KAZN: variants seen among roughly 807,000 people sequenced by gnomAD.
KAZN encodes the protein kazrin, periplakin interacting protein, also known as kazrin.
In KAZN, 40 loss-of-function variants were observed where a neutral mutation model predicts 87.4. That is an observed-to-expected ratio of 0.46 (90% CI 0.36 to 0.60). The LOEUF (loss-of-function observed/expected upper bound fraction) is 0.60. KAZN is among the 20% of genes least tolerant of loss of function. KAZN has a pLI of 0.00. For missense variants in KAZN, 898 were observed against 1,073.9 expected (o/e 0.84, Z 2.29); for synonymous variants, 466 against 458.3 (o/e 1.02, Z -0.22).
At chr1:14,660,771 G>T (rs1428309912) in intron 1 of KAZN, among the ~76,000 whole-genome samples, 1 of 152,118 alleles carries the variant, frequency 6.6e-6, no homozygotes, top group Non-Finnish European at 1.5e-5. Flanking sequence ...TAACCAGGCG[G>T]CTGTGATTGC....
chr1:14,317,680 T>C (rs1384843692), intron 2 of KAZN, among the ~76,000 whole-genome samples: 1 of 151,974 alleles, frequency 6.6e-6, no homozygotes, highest in Non-Finnish European at 1.5e-5. Context: ...TATTGACCTA[T>C]TAGCTATACA....
intron 2 of KAZN, among the ~76,000 whole-genome samples, chr1:14,995,870 T>A (rs1385688593): frequency 6.6e-6 from 1 of 152,194 alleles, no homozygotes; most frequent in Non-Finnish European, 1.5e-5. Flanking sequence ...TTCTTGAGTC[T>A]GCTTGGGGCT....
chr1:14,251,661 T>TTTTTTTTTTTTTTTTTC (rs1650051304), intron 2 of KAZN, among the ~76,000 whole-genome samples: 1 of 145,554 alleles, frequency 6.9e-6, no homozygotes, highest in Admixed American at 6.8e-5. Flanking sequence ...TTTTTTTTTT[T>TTTTTTTTTTTTTTTTTC]TTTTTTTGAC....
chr1:14,317,952 A>T (rs1655775469), intron 2 of KAZN, among the ~76,000 whole-genome samples: 1 of 152,024 alleles, frequency 6.6e-6, no homozygotes, highest in South Asian at 2.1e-4. Flanking sequence ...GCCTAACTTT[A>T]AATTATGCCT....
chr1:13,977,703 A>C (rs1638430872), intron 1 of KAZN, among the ~76,000 whole-genome samples: 1 of 152,224 alleles, frequency 6.6e-6, no homozygotes, highest in Non-Finnish European at 1.5e-5. Flanking sequence ...TGTTGCTAAC[A>C]TGGGGAGACA....
intron 1 of KAZN, among the ~76,000 whole-genome samples, chr1:13,949,017 T>TCTGTGTTC (rs1284997516): frequency 2.6e-5 from 4 of 152,210 alleles, no homozygotes; most frequent in African/African-American, 9.6e-5. Flanking sequence ...CAGCATGTAC[T>TCTGTGTTC]CTGTGTTCAA....
At chr1:15,022,275 C>G (rs1464112210) in intron 2 of KAZN, among the ~76,000 whole-genome samples, 1 of 152,174 alleles carries the variant, frequency 6.6e-6, no homozygotes, top group Non-Finnish European at 1.5e-5. Context: ...ACGCCCGCAC[C>G]CCGCCCCAGG....
chr1:14,380,907 G>A (rs1661310695), intron 2 of KAZN, among the ~76,000 whole-genome samples: 1 of 152,140 alleles, frequency 6.6e-6, no homozygotes, highest in South Asian at 2.1e-4. Flanking sequence ...ACCCAAAGAA[G>A]ACTACATCAA....
At chr1:13,946,391 A>C (rs1259136972) in intron 1 of KAZN, among the ~76,000 whole-genome samples, 3 of 152,134 alleles carry the variant, frequency 2.0e-5, no homozygotes, top group Non-Finnish European at 2.9e-5. Flanking sequence ...ACCTGGGACA[A>C]ATTACTTTTC....
chr1:14,087,404 A>G (rs1643881567), intron 1 of KAZN, among the ~76,000 whole-genome samples: 1 of 152,160 alleles, frequency 6.6e-6, no homozygotes, highest in African/African-American at 2.4e-5. Flanking sequence ...AGTCTACAAT[A>G]AAAGCCAGTT....
At chr1:14,999,312 C>T (rs1668214383) in intron 2 of KAZN, among the ~76,000 whole-genome samples, 2 of 152,262 alleles carry the variant, frequency 1.3e-5, no homozygotes, top group Admixed American at 1.3e-4. Flanking sequence ...GTGATTTCAC[C>T]TCCCCGAGCC....
chr1:14,927,041 C>G (rs1274377872), intron 1 of KAZN, among the ~76,000 whole-genome samples: 1 of 152,188 alleles, frequency 6.6e-6, no homozygotes, highest in African/African-American at 2.4e-5. Context: ...GACCCAGGGA[C>G]TAGAGCAGGA....
intron 1 of KAZN, among the ~76,000 whole-genome samples, chr1:14,046,295 C>G (rs566052425): frequency 6.6e-6 from 1 of 151,948 alleles, no homozygotes; most frequent in East Asian, 1.9e-4. Flanking sequence ...ATTCTTGGAG[C>G]CAAAAATAGG....
At chr1:14,036,110 A>G (rs545769212) in intron 1 of KAZN, among the ~76,000 whole-genome samples, 2 of 152,206 alleles carry the variant, frequency 1.3e-5, no homozygotes, top group Admixed American at 1.3e-4. Context: ...GGCAGGGGGA[A>G]CAGCACATGC....
intron 1 of KAZN, among the ~76,000 whole-genome samples, chr1:14,052,551 CAA>C (rs1375227596): frequency 2.0e-5 from 3 of 149,276 alleles, no homozygotes; most frequent in Admixed American, 6.7e-5. Context: ...AAAAAAAAAA[CAA>C]GAGAAATTGA....
chr1:15,063,121 G>C (rs1638934832), intron 6 of KAZN: 1 of 172,936 alleles, frequency 5.8e-6, no homozygotes, highest in Non-Finnish European at 1.3e-5. Context: ...GATTCATTGT[G>C]TCGGTTGTGG....
chr1:14,353,189 A>G (rs1460900366), intron 2 of KAZN, among the ~76,000 whole-genome samples: 1 of 151,956 alleles, frequency 6.6e-6, no homozygotes, highest in East Asian at 1.9e-4. Context: ...AAAAACTAGG[A>G]AGGAAGAAAT....
chr1:14,649,442 T>C (rs1051281210), intron 1 of KAZN, among the ~76,000 whole-genome samples: 2 of 152,190 alleles, frequency 1.3e-5, no homozygotes, highest in African/African-American at 4.8e-5. Context: ...TCCAGAGTCG[T>C]TGGTCTTGGG....
intron 2 of KAZN, among the ~76,000 whole-genome samples, chr1:14,321,441 A>G (rs1203866969): frequency 6.6e-6 from 1 of 152,188 alleles, no homozygotes; most frequent in African/African-American, 2.4e-5. Context: ...GCTCTCACTT[A>G]AAGTATAACA....
Sources: gnomAD v4.1 joint callset for allele counts (sites outside exome capture counted in the v4.1 genomes callset) on GRCh38, gnomAD v4.1.1 for gene constraint, MANE v1.5 for transcripts, NCBI Gene and HGNC (gene_info 2026-07-23, HGNC 2026-07-21) for gene names.